THSD7A: variants seen among roughly 807,000 people sequenced by gnomAD.
The protein encoded by THSD7A is thrombospondin type 1 domain containing 7A.
A neutral mutation model predicts 231.3 loss-of-function variants in THSD7A; 96 were observed. The observed-to-expected ratio is 0.41, with a 90% confidence interval of 0.35 to 0.49. The LOEUF is 0.49. Among genes scored for constraint, THSD7A ranks in the 20% least tolerant of loss-of-function variants. The pLI, the probability that THSD7A is intolerant of heterozygous loss-of-function variation, is 0.05. For synonymous variants in THSD7A, 940 were observed against 743.3 expected (o/e 1.26, Z -4.30); for missense variants, 2,290 against 2,070.2 (o/e 1.11, Z -2.06).
At chr7:11,441,427 A>T (rs1200116460) in intron 13 of THSD7A, among the ~76,000 whole-genome samples, 11 of 151,984 alleles carry the variant, frequency 7.2e-5, no homozygotes, top group Non-Finnish European at 2.9e-5. Flanking sequence ...GCTACCTCTA[A>T]GATTGTTTAA....
Position 11,736,483 on chromosome 7 carries a change from G to GTGTGTGTA in THSD7A, c.190+95273_190+95274insTACACACA, listed in dbSNP as rs556935427. Among the ~76,000 whole-genome samples the GTGTGTGTA allele has an allele frequency of 3.1e-3, 466 of 151,084 alleles. 2 individuals are homozygous for GTGTGTGTA. The highest frequency in any genetic ancestry group is 0.011 in the African/African-American group (443 of 41,018). ...TGTGTGTGTGTGTGTGTGTGTGTGT[G>GTGTGTGTA]TAAAATAAATAATATTTTCAAGACA... On this transcript the variant is annotated intron_variant, in intron 1 of 27. Coordinates refer to ENST00000423059, the MANE Select transcript of THSD7A (RefSeq NM_015204.3).
At chr7:11,765,008 G>A (rs1047664180) in intron 1 of THSD7A, among the ~76,000 whole-genome samples, 4 of 151,936 alleles carry the variant, frequency 2.6e-5, no homozygotes, top group Non-Finnish European at 1.5e-5. Flanking sequence ...AGATATAGTA[G>A]ACACTGATTA....
At chr7:11,501,494 T>C (rs1787335190) in intron 6 of THSD7A, among the ~76,000 whole-genome samples, 1 of 152,018 alleles carries the variant, frequency 6.6e-6, no homozygotes, top group South Asian at 2.1e-4. Flanking sequence ...ACCCAGACAA[T>C]TACATAGAAA....
intron 23 of THSD7A, among the ~76,000 whole-genome samples, chr7:11,401,293 C>T (rs1160470643): frequency 6.6e-6 from 1 of 152,156 alleles, no homozygotes; most frequent in Non-Finnish European, 1.5e-5. Flanking sequence ...AACATTTTTG[C>T]AAAACTCACA....
At chr7:11,439,212 A>G (rs1004722086) in intron 13 of THSD7A, among the ~76,000 whole-genome samples, 1 of 152,050 alleles carries the variant, frequency 6.6e-6, no homozygotes, top group African/African-American at 2.4e-5. Context: ...ACACAGAGTA[A>G]TAAAACTTGA....
Position 11,370,430 on chromosome 7 carries a change from CAT to C in THSD7A, c.*5362_*5363del, listed in dbSNP as rs769438916. The stretch of plus-strand genomic sequence containing the variant: ...TGGTGCAAATCAAAACACAGATACA[CAT>C]GATTAGAATGAAAATGATTTCCGTA... On this transcript the variant is annotated 3_prime_UTR_variant, in exon 28 of 28. Coordinates refer to ENST00000423059, the MANE Select transcript of THSD7A (RefSeq NM_015204.3). 3.3e-5 allele frequency: 5 copies of C among 152,124 alleles called. No individual in the cohort carries two copies. Among genetic ancestry groups the C allele is most frequent in the Non-Finnish European group, 7.4e-5 (5 of 68,014 alleles). The allele number at this position is 152,124 out of a possible 1,614,324, so 9.4% of individuals were successfully genotyped here. A position where few individuals can be genotyped will look rare whatever the true frequency, so the allele number is the denominator to read the frequency against.
At chr7:11,492,774 C>T (rs1436081156) in intron 6 of THSD7A, among the ~76,000 whole-genome samples, 1 of 151,938 alleles carries the variant, frequency 6.6e-6, no homozygotes, top group African/African-American at 2.4e-5. Context: ...TTAATCATCA[C>T]CATTAAACTT....
At chr7:11,524,186 T>G (rs764228058) in intron 6 of THSD7A, among the ~76,000 whole-genome samples, 27 of 152,160 alleles carry the variant, frequency 1.8e-4, no homozygotes, top group Non-Finnish European at 3.5e-4. Flanking sequence ...CCTGGCTCTG[T>G]GGTGGTACTC....
At chr7:11,567,711 G>C (rs1262379313) in intron 4 of THSD7A, among the ~76,000 whole-genome samples, 1 of 152,128 alleles carries the variant, frequency 6.6e-6, no homozygotes, top group African/African-American at 2.4e-5. Context: ...TAATTCCAGT[G>C]AAGAGATAAG....
intron 1 of THSD7A, among the ~76,000 whole-genome samples, chr7:11,723,825 G>A (rs1781447378): frequency 6.6e-6 from 1 of 151,932 alleles, no homozygotes; most frequent in Admixed American, 6.6e-5. Flanking sequence ...AAGAAGATTG[G>A]TAGAAAATAA....
At chr7:11,747,843 C>T in intron 1 of THSD7A, among the ~76,000 whole-genome samples, 1 of 151,696 alleles carries the variant, frequency 6.6e-6, no homozygotes, top group East Asian at 2.0e-4. Context: ...GGACAATGGA[C>T]AAGTAGAGAT....
At position 11,470,100 on chromosome 7, in the gene THSD7A, A is replaced by G. The variant is rs138768739; in HGVS notation, c.2253-106T>C. ...GGTAAAATTGCAAAACAAGTCACTCATCTGTATTATTTAACTTCCAGGAGT... is the reference window on the plus strand; with the variant it reads ...GGTAAAATTGCAAAACAAGTCACTCGTCTGTATTATTTAACTTCCAGGAGT... On this transcript the variant is annotated intron_variant, in intron 8 of 27. Coordinates refer to ENST00000423059, the MANE Select transcript of THSD7A (RefSeq NM_015204.3). The G allele has an allele frequency of 2.5e-4, 185 of 753,258 alleles. No homozygotes were observed. In the African/African-American group the frequency reaches 2.8e-3, roughly 11 times the overall value. The allele number at this position is 753,258 out of a possible 1,614,324, so 46.7% of individuals were successfully genotyped here.
intron 22 of THSD7A, among the ~76,000 whole-genome samples, chr7:11,402,845 T>A (rs1783453402): frequency 6.6e-6 from 1 of 152,192 alleles, no homozygotes; most frequent in Non-Finnish European, 1.5e-5. Flanking sequence ...TATCATAATT[T>A]AGATATCCAT....
intron 9 of THSD7A, among the ~76,000 whole-genome samples, chr7:11,467,573 T>C (rs1416493824): frequency 6.6e-6 from 1 of 152,178 alleles, no homozygotes; most frequent in Non-Finnish European, 1.5e-5. Context: ...TTCATTCTCA[T>C]CTATCTGCTA....
chr7:11,724,858 G>C (rs1781490453), intron 1 of THSD7A, among the ~76,000 whole-genome samples: 1 of 151,876 alleles, frequency 6.6e-6, no homozygotes, highest in Admixed American at 6.6e-5. Context: ...TGGAGGCTGA[G>C]TGTGGTAATC....
intron 1 of THSD7A, among the ~76,000 whole-genome samples, chr7:11,751,752 C>T (rs1431062182): frequency 6.6e-6 from 1 of 151,504 alleles, no homozygotes; most frequent in Non-Finnish European, 1.5e-5. Flanking sequence ...ATTGTTGCAC[C>T]GTTTAAAAAA....
At position 11,474,393 on chromosome 7, in the gene THSD7A, G is replaced by A; in HGVS notation, c.2193C>T (p.Gly731=). 1.2e-6 allele frequency: 2 copies of A among 1,613,468 alleles called. No individual in the cohort carries two copies. The highest frequency in any genetic ancestry group is 8.5e-7 in the Non-Finnish European group (1 of 1,179,550). ...TWNGEASCSV[G]MQTRKVICVR... Reference sequence around the variant, plus strand: ...CACAGATGACTTTTCTTGTCTGCATGCCGACAGAGCAGGAGGCCTCCCCAT... The same window carrying A: ...CACAGATGACTTTTCTTGTCTGCATACCGACAGAGCAGGAGGCCTCCCCAT... Residue 731 remains glycine (G), a synonymous_variant, in exon 8 of 28, where the codon GGC becomes GGT. Coordinates refer to ENST00000423059, the MANE Select transcript of THSD7A (RefSeq NM_015204.3). The surrounding 1 kb of genome is among the most constrained non-coding windows in gnomAD (Gnocchi z 4.1).
At chr7:11,487,696 G>A (rs919711073) in intron 6 of THSD7A, among the ~76,000 whole-genome samples, 1 of 151,984 alleles carries the variant, frequency 6.6e-6, no homozygotes, top group Non-Finnish European at 1.5e-5. Context: ...ATGGTGGCAG[G>A]CAAGAGAGCT....
chr7:11,626,689 G>A (rs1054359271), intron 2 of THSD7A, among the ~76,000 whole-genome samples: 19 of 152,052 alleles, frequency 1.2e-4, no homozygotes, highest in Admixed American at 5.9e-4. Context: ...TATAAGTAAG[G>A]ACACTTATAA....
Sources: allele counts gnomAD v4.1 joint callset (sites outside exome capture counted in the v4.1 genomes callset), GRCh38; gene constraint gnomAD v4.1.1; non-coding constraint Gnocchi (gnomAD v3.1); transcripts MANE v1.5; gene names NCBI Gene and HGNC (gene_info 2026-07-23, HGNC 2026-07-21).